PRPF31: variants seen among roughly 807,000 people sequenced by gnomAD.
PRPF31 encodes the protein pre-mRNA processing factor 31.
Under a neutral mutation model 60.4 loss-of-function variants are expected in PRPF31, and 12 were observed. The ratio of observed to expected loss-of-function variants is 0.20; its 90% confidence interval spans 0.13 to 0.32. The LOEUF is 0.32. Ranked by LOEUF, PRPF31 falls within the 10% of genes least tolerant of loss-of-function variation. The probability of loss-of-function intolerance (pLI) is 1.00; values close to 1 mark genes in which losing one functional copy is unlikely to be tolerated. For synonymous variants in PRPF31, 287 were observed against 287.9 expected, an observed-to-expected ratio of 1.00 and a Z score of 0.03; for missense variants, 431 against 687.1, an observed-to-expected ratio of 0.63 and a Z score of 4.17.
Position 54,128,175 on chromosome 19 carries a change from C to G in PRPF31, c.1048C>G (p.Gln350Glu). The G allele has an allele frequency of 6.4e-7, 1 of 1,568,296 alleles. No homozygotes were observed. The highest frequency in any genetic ancestry group is 1.2e-5 in the South Asian group (1 of 85,382). The change falls in exon 10 of 14, where the codon CAG becomes GAG. Residue 350 changes from glutamine to glutamate, a missense_variant. This residue lies in a region of PRPF31 where 314 missense variants were observed against 475.3 expected (regional missense o/e 0.66). Transcript: ENST00000321030. Reference sequence around the variant, plus strand: ...GCCGCTGCCTGCGCCCCTGGATGGACAGCGGAAGAAGCGAGGCGGCCGCAG... The same window carrying G: ...GCCGCTGCCTGCGCCCCTGGATGGAGAGCGGAAGAAGCGAGGCGGCCGCAG... The part of the protein sequence containing the change: ...VKPLPAPLDG[Q>E]RKKRGGRRYR...
Position 54,129,363 on chromosome 19 carries a change from C to G in PRPF31, c.1367C>G (p.Pro456Arg). ...SGTASSVAFT[P>R]LQGLEIVNPQ... ...ACGGCCTCCAGCGTGGCCTTCACCC[C>G]ACTCCAGGTACCTCCCCTGGGCCGG... is the stretch of plus-strand genomic sequence containing the variant. The change falls in exon 13 of 14, where the codon CCA becomes CGA. Residue 456 changes from proline (P) to arginine (R), a missense_variant. Physicochemically the swap from Pro to Arg is moderately radical, Grantham distance 103. Coordinates refer to ENST00000321030, the MANE Select transcript of PRPF31 (RefSeq NM_015629.4). The G allele has an allele frequency of 1.3e-6, 2 of 1,596,854 alleles. No individual in the cohort carries two copies. Among genetic ancestry groups the G allele is most frequent in the Non-Finnish European group, 1.7e-6 (2 of 1,172,876 alleles).
At chr19:54,126,027 C>T (rs587673734) in intron 8 of PRPF31, among the ~76,000 whole-genome samples, 2 of 152,350 alleles carry the variant, frequency 1.3e-5, no homozygotes, top group East Asian at 3.9e-4. Context: ...GGCTGGCCAT[C>T]GCTTCACTGT....
intron 3 of PRPF31, chr19:54,120,362 G>A (rs1270610787): frequency 6.6e-6 from 1 of 152,218 alleles, no homozygotes; most frequent in Non-Finnish European, 1.5e-5. Context: ...ACAAGCTGTG[G>A]CAGTCCCTGT....
At chr19:54,122,209 C>T (rs1216224231) in intron 4 of PRPF31, 5 of 622,778 alleles carry the variant, frequency 8.0e-6, no homozygotes, top group Admixed American at 5.2e-5. Flanking sequence ...CCTCACGGTG[C>T]GAGGTGACTG....
chr19:54,116,592 A>G (rs769857733), intron 1 of PRPF31, among the ~76,000 whole-genome samples: 4 of 152,204 alleles, frequency 2.6e-5, no homozygotes, highest in Non-Finnish European at 1.5e-5. Flanking sequence ...ATTGTTCGCT[A>G]CCCTCTTAGA....
At chr19:54,116,610 T>C (rs1435983574) in intron 1 of PRPF31, among the ~76,000 whole-genome samples, 1 of 152,226 alleles carries the variant, frequency 6.6e-6, no homozygotes, top group Admixed American at 6.5e-5. Context: ...AGAGCTTTGG[T>C]TGATGCCTGG....
At chr19:54,122,027 T>A in intron 4 of PRPF31, 84 bp downstream of exon 4, 1 of 1,399,286 alleles carries the variant, frequency 7.1e-7, no homozygotes, top group East Asian at 2.4e-5. Flanking sequence ...TTTCCCAGGG[T>A]CCTGCCCCTA....
At chr19:54,119,198 C>T (rs2073726590) in intron 3 of PRPF31, among the ~76,000 whole-genome samples, 2 of 151,906 alleles carry the variant, frequency 1.3e-5, no homozygotes, top group African/African-American at 4.8e-5. Flanking sequence ...CTGGCTAACA[C>T]GGTGACACCC....
chr19:54,122,689 CGATGGAGAG>C (rs1159522795), intron 5 of PRPF31, 95 bp downstream of exon 5: 1 of 1,000,404 alleles, frequency 1.0e-6, no homozygotes, highest in African/African-American at 1.6e-5. Flanking sequence ...GGTCTGGAGA[CGATGGAGAG>C]GAGTGGACGA....
At position 54,118,903 on chromosome 19, in the gene PRPF31, C is replaced by T. The variant is rs150571499; in HGVS notation, c.238+270C>T. The T allele has an allele frequency of 8.0e-4, 422 of 526,978 alleles. 1 individual carries two copies. The highest frequency in any genetic ancestry group is 6.5e-3 in the African/African-American group (340 of 52,484). 32.6% of individuals were successfully genotyped at this position (526,978 alleles called of 1,614,324 possible). On this transcript the variant is annotated intron_variant, in intron 3 of 13. Transcript: ENST00000321030. Reference sequence around the variant, plus strand: ...CCCAGACTTCACTGATTCACATGACCGGTTACAGGGTTTTTGCCACATCTA... The same window carrying T: ...CCCAGACTTCACTGATTCACATGACTGGTTACAGGGTTTTTGCCACATCTA...
In PRPF31 at chr19:54,122,169, G is replaced by C; in HGVS notation, c.322+226G>C. The C allele has an allele frequency of 4.7e-6, 3 of 643,278 alleles. No homozygotes were observed. The Admixed American group carries it at 7.1e-5, about 15-fold the overall frequency. 39.8% of individuals were successfully genotyped at this position (643,278 alleles called of 1,614,324 possible). ...CCGCTTGGCTGCCTGTAGGGCCCCG[G>C]CTCTTTCCATCCTGTTGGTCGGCCA... On this transcript the variant is annotated intron_variant, in intron 4 of 13. Coordinates refer to ENST00000321030, the MANE Select transcript of PRPF31 (RefSeq NM_015629.4).
intron 11 of PRPF31, among the ~76,000 whole-genome samples, chr19:54,128,669 C>T (rs587734803): frequency 7.8e-4 from 119 of 152,236 alleles, no homozygotes; most frequent in African/African-American, 2.6e-3. Context: ...CCCTGCTGCA[C>T]GGCCGCCCCG....
chr19:54,128,177 G>A lies in PRPF31; in HGVS notation c.1050G>A (p.Gln350=). 6 of 1,568,588 alleles carry A rather than the reference G, an allele frequency of 3.8e-6. No individual in the cohort carries two copies. Among genetic ancestry groups the A allele is most frequent in the South Asian group, 1.2e-5 (1 of 85,376 alleles). Residue 350 remains glutamine (Q), a synonymous_variant, in exon 10 of 14, where the codon CAG becomes CAA. Transcript: ENST00000321030. ...VKPLPAPLDG[Q]RKKRGGRRYR... Reference sequence around the variant, plus strand: ...CGCTGCCTGCGCCCCTGGATGGACAGCGGAAGAAGCGAGGCGGCCGCAGGT... The same window carrying A: ...CGCTGCCTGCGCCCCTGGATGGACAACGGAAGAAGCGAGGCGGCCGCAGGT...
chr19:54,128,226 GCATGGGGGT>G (rs1568597788), intron 10 of PRPF31, 26 bp downstream of exon 10: 2 of 1,567,812 alleles, frequency 1.3e-6, no homozygotes, highest in Admixed American at 3.9e-5. Flanking sequence ...GGTCCGGTAG[GCATGGGGGT>G]CATGGAGGGG....
rs2073866703 is a variant in PRPF31 at position 54,124,336 on chromosome 19, G to A, written c.698-163G>A. The A allele has an allele frequency of 1.1e-5, 8 of 750,092 alleles. 1 individual carries two copies. Among genetic ancestry groups the A allele is most frequent in the Middle Eastern group, 7.3e-4 (2 of 2,746 alleles). The allele number at this position is 750,092 out of a possible 1,614,324, so 46.5% of individuals were successfully genotyped here. On this transcript the variant is annotated intron_variant, in intron 7 of 13. Transcript: ENST00000321030. ...TGAGCCTCCTTTGCATCTGCCCCTT[G>A]CGGAATGGGCCAGGTCGCCCGCCTG... is the stretch of plus-strand genomic sequence containing the variant.
rs1045779500 is a variant in PRPF31, at chr19:54,123,104, A to G, written c.421-350A>G. 34 of 490,598 alleles carry G rather than the reference A, an allele frequency of 6.9e-5. No individual in the cohort carries two copies. The East Asian group carries it at 1.3e-3, about 19-fold the overall frequency. 30.4% of individuals were successfully genotyped at this position (490,598 alleles called of 1,614,324 possible). On this transcript the variant is annotated intron_variant, in intron 5 of 13. Coordinates refer to ENST00000321030, the MANE Select transcript of PRPF31 (RefSeq NM_015629.4). Reference sequence around the variant, plus strand: ...AGGAGGTCCCCACGCATGTCCAGGAAAGGATTAGGATGGCGGTGGGGAAGC... The same window carrying G: ...AGGAGGTCCCCACGCATGTCCAGGAGAGGATTAGGATGGCGGTGGGGAAGC...
At chr19:54,122,238 C>A in intron 4 of PRPF31, 1 of 619,974 alleles carries the variant, frequency 1.6e-6, no homozygotes, top group Non-Finnish European at 2.9e-6. Flanking sequence ...CCAGCCATCA[C>A]CTCCGCATTC....
At chr19:54,129,736 C>G (rs1297423251) in intron 13 of PRPF31, among the ~76,000 whole-genome samples, 1 of 148,800 alleles carries the variant, frequency 6.7e-6, no homozygotes, top group Non-Finnish European at 1.5e-5. Flanking sequence ...AGAAAGTTCC[C>G]GGCTAGGCGG....
At chr19:54,126,854 G>T (rs2073934445) in intron 9 of PRPF31, among the ~76,000 whole-genome samples, 1 of 152,236 alleles carries the variant, frequency 6.6e-6, no homozygotes, top group African/African-American at 2.4e-5. Flanking sequence ...GGTGTGGCCG[G>T]GTGCAGTAGC....
Sources: allele counts gnomAD v4.1 joint callset (sites outside exome capture counted in the v4.1 genomes callset), GRCh38; gene constraint gnomAD v4.1.1; regional missense constraint gnomAD v4.1.1; transcripts MANE v1.5; gene names NCBI Gene and HGNC (gene_info 2026-07-23, HGNC 2026-07-21).